The following CEMIP variants were observed in gnomAD, a reference collection of about 807,000 sequenced individuals.
The protein encoded by CEMIP is cell migration-inducing and hyaluronan-binding protein.
A neutral mutation model predicts 156.9 loss-of-function variants in CEMIP; 105 were observed. The ratio of observed to expected loss-of-function variants is 0.67; its 90% CI spans 0.57 to 0.79. The LOEUF is 0.79. Ranked by LOEUF, CEMIP falls within the 30% of genes least tolerant of loss-of-function variation. The pLI, the probability that CEMIP is intolerant of heterozygous loss-of-function variation, is 0.00. For missense variants in CEMIP, 1,457 were observed against 1,769.4 expected, an observed-to-expected ratio of 0.82 and a Z score of 3.17; for synonymous variants, 676 against 668.4, an observed-to-expected ratio of 1.01 and a Z score of -0.17.
chr15:80,933,470 C>A lies in CEMIP; in HGVS notation c.3009+10C>A. 1.2e-6 allele frequency: 2 copies of A among 1,609,294 alleles called. No individual in the cohort carries two copies. Among genetic ancestry groups the A allele is most frequent in the Non-Finnish European group, 1.7e-6 (2 of 1,175,754 alleles). On this transcript the variant is annotated intron_variant, in intron 23 of 29. Coordinates refer to ENST00000394685, the MANE Select transcript of CEMIP (RefSeq NM_001293298.2). ...TGGGTGCTATGCACAGGTGGGGACACCATTCTGGGGGCCGGCCACTCACTT... is the reference window on the plus strand; with the variant it reads ...TGGGTGCTATGCACAGGTGGGGACAACATTCTGGGGGCCGGCCACTCACTT...
chr15:80,828,036 A>T (rs1897077422), intron 1 of CEMIP, among the ~76,000 whole-genome samples: 1 of 152,194 alleles, frequency 6.6e-6, no homozygotes, highest in Non-Finnish European at 1.5e-5. Flanking sequence ...CAAAGGGTTA[A>T]AAAAAGGATT....
chr15:80,878,644 G>A, intron 3 of CEMIP, 77 bp from the exon 4 acceptor site: 2 of 1,595,294 alleles, frequency 1.3e-6, no homozygotes, highest in Non-Finnish European at 1.7e-6. Context: ...ATGCATGGGA[G>A]CCCCCTTTTG....
intron 1 of CEMIP, among the ~76,000 whole-genome samples, chr15:80,823,588 G>A (rs1055471190): frequency 1.1e-4 from 16 of 152,146 alleles, no homozygotes; most frequent in South Asian, 1.0e-3. Flanking sequence ...AACCACCCAC[G>A]CCATCACTTG....
Position 80,851,611 on chromosome 15 carries a change from T to C in CEMIP, c.-175-21927T>C, listed in dbSNP as rs146269242. Among the ~76,000 whole-genome samples, 181 of 152,260 alleles carry C rather than the reference T, an allele frequency of 1.2e-3. 2 individuals carry two copies. Among genetic ancestry groups the C allele is most frequent in the African/African-American group, 4.0e-3 (167 of 41,548 alleles). ...TTAAAGGCTTGATGGGTAGTAGATT[T>C]CCTCCAGGCATTGGTGCTGGAGAAG... On this transcript the variant is annotated intron_variant, in intron 1 of 29. Transcript: ENST00000394685.
chr15:80,814,295 C>T lies in CEMIP; in HGVS notation c.-176+34681C>T, dbSNP rs192928015. Among the ~76,000 whole-genome samples the T allele has an allele frequency of 8.0e-3, 1,223 of 151,984 alleles. 16 individuals carry two copies. Among genetic ancestry groups the T allele is most frequent in the African/African-American group, 0.028 (1,167 of 41,456 alleles). On this transcript the variant is annotated intron_variant, in intron 1 of 29. Transcript: ENST00000394685. ...CGATCTCCTGACCTCGTGATCCACC[C>T]GCCTTGGCCTCCCAAAGTGCTAGGA...
Position 80,908,510 on chromosome 15 carries a change from T to A in CEMIP, c.1588-587T>A, listed in dbSNP as rs1028140041. ...GGAGTTCCGTGTGGTCAAGAGGTTT[T>A]CTTGAGCCTGAAAGAATGGGTCTAT... On this transcript the variant is annotated intron_variant, in intron 13 of 29. Coordinates refer to ENST00000394685, the MANE Select transcript of CEMIP (RefSeq NM_001293298.2). Among the ~76,000 whole-genome samples the A allele has an allele frequency of 3.3e-5, 5 of 152,186 alleles. No homozygotes were observed. In the South Asian group the frequency reaches 8.3e-4, roughly 25 times the overall value.
In CEMIP at chr15:80,787,604, G is replaced by A. The variant is rs1895972370; in HGVS notation, c.-176+7990G>A. 2.0e-5 allele frequency among the ~76,000 whole-genome samples: 3 copies of A among 152,194 alleles called. No homozygotes were observed. In the South Asian group the frequency reaches 6.2e-4, roughly 32 times the overall value. ...AACAAAGACTGACTCCCAGACCTTGGGATTCAGCCTCTCTCTCTCCTACTT... is the reference window on the plus strand; with the variant it reads ...AACAAAGACTGACTCCCAGACCTTGAGATTCAGCCTCTCTCTCTCCTACTT... On this transcript the variant is annotated intron_variant, in intron 1 of 29. Transcript: ENST00000394685.
At chr15:80,832,855 G>C (rs556753347) in intron 1 of CEMIP, among the ~76,000 whole-genome samples, 306 of 152,312 alleles carry the variant, frequency 2.0e-3, no homozygotes, top group Non-Finnish European at 3.4e-3. Flanking sequence ...CATCAGTTGA[G>C]AGGCTGGGGC....
Position 80,921,936 on chromosome 15 carries a change from C to T in CEMIP, c.2074-73C>T, listed in dbSNP as rs374820109. ...TACTAGACCCATCTCCGGCGTGGGC[C>T]GCGTGGCCACCTTGCCCAGGAGCTC... On this transcript the variant is annotated intron_variant, in intron 16 of 29. Transcript: ENST00000394685. The T allele has an allele frequency of 1.4e-3, 2,240 of 1,604,556 alleles. 6 individuals are homozygous for T. Among genetic ancestry groups the T allele is most frequent in the Non-Finnish European group, 1.8e-3 (2,066 of 1,173,368 alleles).
intron 1 of CEMIP, among the ~76,000 whole-genome samples, chr15:80,834,142 G>A (rs572873895): frequency 2.8e-4 from 42 of 152,248 alleles, no homozygotes; most frequent in African/African-American, 1.0e-3. Context: ...ATGTCCTGAG[G>A]GGGTTGGAAA....
intron 17 of CEMIP, among the ~76,000 whole-genome samples, chr15:80,923,551 C>G (rs1185943967): frequency 6.6e-6 from 1 of 152,054 alleles, no homozygotes; most frequent in Non-Finnish European, 1.5e-5. Context: ...CATGCAAGGG[C>G]TCATGGGTGC....
chr15:80,943,189 T>C (rs1901411299), intron 28 of CEMIP, 87 bp downstream of exon 28: 1 of 1,410,444 alleles, frequency 7.1e-7, no homozygotes, highest in African/African-American at 1.4e-5. Context: ...AAGGCCCTCA[T>C]CACAGATCAG....
At chr15:80,861,653 T>G (rs1279166807) in intron 1 of CEMIP, among the ~76,000 whole-genome samples, 1 of 152,204 alleles carries the variant, frequency 6.6e-6, no homozygotes, top group African/African-American at 2.4e-5. Context: ...GCAGGGGGCA[T>G]CTGGTAGAAA....
At chr15:80,852,719 C>T (rs1897744047) in intron 1 of CEMIP, among the ~76,000 whole-genome samples, 1 of 152,070 alleles carries the variant, frequency 6.6e-6, no homozygotes, top group Non-Finnish European at 1.5e-5. Context: ...TCTTTTATGC[C>T]AGGACCCTGG....
chr15:80,839,301 T>TGTGA (rs1172362682), intron 1 of CEMIP, among the ~76,000 whole-genome samples: 1 of 150,482 alleles, frequency 6.6e-6, no homozygotes, highest in Non-Finnish European at 1.5e-5. Flanking sequence ...TGTGTGTGTG[T>TGTGA]GTGTGTGTGT....
intron 1 of CEMIP, among the ~76,000 whole-genome samples, chr15:80,848,604 T>G (rs1897622144): frequency 6.6e-6 from 1 of 152,114 alleles, no homozygotes; most frequent in South Asian, 2.1e-4. Context: ...GGGTTATTCT[T>G]CCAAGGAGCA....
At chr15:80,808,014 C>T (rs961294622) in intron 1 of CEMIP, among the ~76,000 whole-genome samples, 5 of 152,194 alleles carry the variant, frequency 3.3e-5, no homozygotes, top group Non-Finnish European at 7.3e-5. Context: ...ATTGCAGCCC[C>T]TTGCCAAGCT....
chr15:80,950,857 C>T lies in CEMIP; in HGVS notation c.*1933C>T, dbSNP rs1175649663. ...TGATGAACTACATTTATCCCCTTTC[C>T]TGCCCCAACCACAAACTCTTTCCTT... On this transcript the variant is annotated 3_prime_UTR_variant, in exon 30 of 30. Coordinates refer to ENST00000394685, the MANE Select transcript of CEMIP (RefSeq NM_001293298.2). 1.3e-5 allele frequency: 2 copies of T among 152,764 alleles called. No individual in the cohort carries two copies. Among genetic ancestry groups the T allele is most frequent in the African/African-American group, 4.8e-5 (2 of 41,456 alleles). The allele number at this position is 152,764 out of a possible 1,614,324, so 9.5% of individuals were successfully genotyped here. A position where few individuals can be genotyped will look rare whatever the true frequency, so the allele number is the denominator to read the frequency against.
chr15:80,863,010 G>A (rs985314332), intron 1 of CEMIP, among the ~76,000 whole-genome samples: 14 of 152,252 alleles, frequency 9.2e-5, no homozygotes, highest in East Asian at 5.8e-4. Flanking sequence ...ACCCTTCCTC[G>A]CTGCAGCCTC....
Sources: allele counts gnomAD v4.1 joint callset (sites outside exome capture counted in the v4.1 genomes callset), GRCh38; gene constraint gnomAD v4.1.1; transcripts MANE v1.5; gene names NCBI Gene and HGNC (gene_info 2026-07-23, HGNC 2026-07-21).